The following CNBD1 variants were observed in gnomAD, a reference collection of about 807,000 sequenced individuals.
The protein encoded by CNBD1 is cyclic nucleotide binding domain containing 1.
Under a neutral mutation model 54.4 loss-of-function variants are expected in CNBD1, and 71 were observed. The ratio of observed to expected loss-of-function variants is 1.30; its 90% CI spans 1.08 to 1.59. The LOEUF is 1.59. CNBD1 is among the 40% of genes most tolerant of loss of function. The probability of loss-of-function intolerance (pLI) is 0.00; values close to 1 mark genes in which losing one functional copy is unlikely to be tolerated. For missense variants in CNBD1, 659 were observed against 518.0 expected, an observed-to-expected ratio of 1.27 and a Z score of -2.64; for synonymous variants, 182 against 170.7, an observed-to-expected ratio of 1.07 and a Z score of -0.51.
chr8:87,373,475 A>T (rs1475579912), intron 10 of CNBD1, among the ~76,000 whole-genome samples: 1 of 151,850 alleles, frequency 6.6e-6, no homozygotes, highest in Non-Finnish European at 1.5e-5. Context: ...GTTAAGTTTT[A>T]ATTCTTAACA....
chr8:87,112,670 G>A (rs781259968), intron 4 of CNBD1, among the ~76,000 whole-genome samples: 1 of 152,140 alleles, frequency 6.6e-6, no homozygotes, highest in African/African-American at 2.4e-5. Context: ...TGGTGCATCT[G>A]TAACCTATAT....
chr8:87,395,896 T>C (rs1811401172), intron 2 of CNBD1, among the ~76,000 whole-genome samples: 1 of 151,868 alleles, frequency 6.6e-6, no homozygotes, highest in African/African-American at 2.4e-5. Flanking sequence ...TATAAGGGGC[T>C]TTTCTCCTCC....
At chr8:86,895,958 T>C (rs1808841856) in intron 2 of CNBD1, among the ~76,000 whole-genome samples, 2 of 152,152 alleles carry the variant, frequency 1.3e-5, no homozygotes, top group African/African-American at 4.8e-5. Flanking sequence ...TTGTGTTGTT[T>C]GGTTTTCTAT....
chr8:87,338,299 TTC>T (rs1485450418), intron 8 of CNBD1, among the ~76,000 whole-genome samples: 2 of 152,170 alleles, frequency 1.3e-5, no homozygotes, highest in Non-Finnish European at 2.9e-5. Flanking sequence ...AGATATGAGT[TTC>T]TGTTTTATAT....
chr8:87,157,434 CAATCTT>C (rs1159377461), intron 4 of CNBD1, among the ~76,000 whole-genome samples: 2 of 152,172 alleles, frequency 1.3e-5, no homozygotes, highest in Non-Finnish European at 2.9e-5. Flanking sequence ...GATAAGGTGA[CAATCTT>C]GATCTGGTTA....
intron 6 of CNBD1, among the ~76,000 whole-genome samples, chr8:87,248,302 T>C (rs1025986668): frequency 2.0e-5 from 3 of 152,232 alleles, no homozygotes; most frequent in Non-Finnish European, 4.4e-5. Flanking sequence ...AAGGAACTTA[T>C]GCCACCTTTT....
chr8:87,158,151 G>C (rs148099190), intron 4 of CNBD1, among the ~76,000 whole-genome samples: 20 of 152,186 alleles, frequency 1.3e-4, no homozygotes, highest in Non-Finnish European at 2.5e-4. Flanking sequence ...CTACCTTAGA[G>C]TTGAGCTGTC....
chr8:87,410,435 G>A (rs1402316587), intron 2 of CNBD1, among the ~76,000 whole-genome samples: 1 of 152,216 alleles, frequency 6.6e-6, no homozygotes, highest in Non-Finnish European at 1.5e-5. Context: ...AGGCTGATAT[G>A]TCAACATTAA....
intron 2 of CNBD1, among the ~76,000 whole-genome samples, chr8:87,417,249 C>T (rs1461417845): frequency 6.6e-6 from 1 of 151,844 alleles, no homozygotes; most frequent in African/African-American, 2.4e-5. Flanking sequence ...GGGAACTGCC[C>T]TTCATAAAAC....
At chr8:87,385,673 T>C (rs942004932), downstream of CNBD1, among the ~76,000 whole-genome samples, 11 of 152,108 alleles carry the variant, frequency 7.2e-5, no homozygotes, top group African/African-American at 2.7e-4. Flanking sequence ...CCTGCCTCTG[T>C]AGACTCCACC....
At position 87,403,302 on chromosome 8, in the gene CNBD1, G is replaced by A. The variant is rs530198330; in HGVS notation, c.214-25244G>A. 5.9e-5 allele frequency among the ~76,000 whole-genome samples: 9 copies of A among 152,132 alleles called. No homozygotes were observed. In the East Asian group the frequency reaches 7.8e-4, roughly 13 times the overall value. Reference sequence around the variant, plus strand: ...TTAGTTTCATCTATTTTGGGGCACAGCATCAAGCACTATAGGGAATGGCAA... The same window carrying A: ...TTAGTTTCATCTATTTTGGGGCACAACATCAAGCACTATAGGGAATGGCAA... On this transcript the variant is annotated intron_variant, in intron 2 of 7. Transcript: ENST00000521593.
At chr8:86,904,861 G>GACATTATCAT (rs1031750562) in intron 2 of CNBD1, among the ~76,000 whole-genome samples, 3 of 151,978 alleles carry the variant, frequency 2.0e-5, no homozygotes, top group Non-Finnish European at 4.4e-5. Flanking sequence ...TTTTGACATT[G>GACATTATCAT]ACATTATCAT....
At chr8:87,308,877 T>C (rs1325415943) in intron 8 of CNBD1, among the ~76,000 whole-genome samples, 4 of 152,170 alleles carry the variant, frequency 2.6e-5, no homozygotes, top group Admixed American at 2.6e-4. Flanking sequence ...TCATTTAATA[T>C]ACCGACCTCT....
At chr8:87,092,203 C>T (rs546567989) in intron 4 of CNBD1, among the ~76,000 whole-genome samples, 1 of 152,176 alleles carries the variant, frequency 6.6e-6, no homozygotes, top group Non-Finnish European at 1.5e-5. Context: ...TTGGCTTTAT[C>T]TATTTCCAGT....
At chr8:87,064,141 G>T (rs1319412441) in intron 4 of CNBD1, among the ~76,000 whole-genome samples, 2 of 151,848 alleles carry the variant, frequency 1.3e-5, no homozygotes, top group African/African-American at 4.8e-5. Flanking sequence ...GTTACTCTTG[G>T]CAATCAGCAT....
intron 10 of CNBD1, among the ~76,000 whole-genome samples, chr8:87,368,935 T>C (rs1268471117): frequency 6.6e-6 from 1 of 151,902 alleles, no homozygotes; most frequent in East Asian, 1.9e-4. Flanking sequence ...CTCCTTCTTT[T>C]CCTTCTCATG....
chr8:87,257,553 A>G (rs1257217745), intron 6 of CNBD1, among the ~76,000 whole-genome samples: 2 of 152,016 alleles, frequency 1.3e-5, no homozygotes, highest in African/African-American at 2.4e-5. Context: ...AAATTGGATC[A>G]TTTTATATTT....
chr8:87,414,057 A>G (rs1300198327), intron 2 of CNBD1, among the ~76,000 whole-genome samples: 1 of 152,178 alleles, frequency 6.6e-6, no homozygotes, highest in Non-Finnish European at 1.5e-5. Flanking sequence ...ATGATACTAT[A>G]AAGACACATG....
intron 10 of CNBD1, among the ~76,000 whole-genome samples, chr8:87,358,679 T>C (rs1449624115): frequency 1.3e-5 from 2 of 152,262 alleles, no homozygotes; most frequent in Middle Eastern, 3.4e-3. Context: ...TTCAGCAAGC[T>C]GGAGAATCAG....
Sources: gnomAD v4.1 joint callset for allele counts (sites outside exome capture counted in the v4.1 genomes callset) on GRCh38, gnomAD v4.1.1 for gene constraint, MANE v1.5 for transcripts, NCBI Gene and HGNC (gene_info 2026-07-23, HGNC 2026-07-21) for gene names.